DTNA: variants seen among roughly 807,000 people sequenced by gnomAD.
DTNA encodes the protein dystrobrevin alpha, also known as dystrophin-related protein 3.
Under a neutral mutation model 100.7 loss-of-function variants are expected in DTNA, and 43 were observed. The observed-to-expected ratio is 0.43, with a 90% CI of 0.33 to 0.55. DTNA has a LOEUF of 0.55. Ranked by LOEUF, DTNA falls within the 20% of genes least tolerant of loss-of-function variation. The pLI is 0.04. For missense variants in DTNA, 798 were observed against 953.9 expected (o/e 0.84, Z 2.15); for synonymous variants, 349 against 347.9 (o/e 1.00, Z -0.04).
intron 3 of DTNA, 117 bp from the exon 4 acceptor site, chr18:34,793,920 T>C: frequency 9.5e-7 from 1 of 1,049,172 alleles, no homozygotes. Flanking sequence ...GTTGACCCCC[T>C]GCAACAGCTG....
At chr18:34,834,188 G>A (rs2096079559) in intron 11 of DTNA, among the ~76,000 whole-genome samples, 1 of 152,000 alleles carries the variant, frequency 6.6e-6, no homozygotes, top group African/African-American at 2.4e-5. Flanking sequence ...CCAGAGGCTG[G>A]GTAACTGATA....
chr18:34,578,560 G>A (rs1453325548), intron 1 of DTNA, among the ~76,000 whole-genome samples: 1 of 151,108 alleles, frequency 6.6e-6, no homozygotes, highest in Non-Finnish European at 1.5e-5. Flanking sequence ...ATGTCTGGAA[G>A]GGTTTTTTTG....
intron 9 of DTNA, among the ~76,000 whole-genome samples, chr18:34,824,939 A>G (rs1250725470): frequency 6.8e-6 from 1 of 147,132 alleles, no homozygotes; most frequent in Non-Finnish European, 1.5e-5. Flanking sequence ...CAGTAAAAAA[A>G]AAAAAAAAAA....
intron 13 of DTNA, among the ~76,000 whole-genome samples, chr18:34,839,918 C>T (rs1008475271): frequency 1.8e-4 from 27 of 152,204 alleles, no homozygotes; most frequent in African/African-American, 6.3e-4. Context: ...TCCTCAGATG[C>T]TAGGCCATTG....
At chr18:34,765,604 T>C (rs749566210) in intron 2 of DTNA, among the ~76,000 whole-genome samples, 10 of 152,238 alleles carry the variant, frequency 6.6e-5, no homozygotes, top group Non-Finnish European at 1.3e-4. Context: ...GCACTTTAAA[T>C]GCTTATTTGA....
At chr18:34,749,386 T>G (rs1228698541) in intron 1 of DTNA, among the ~76,000 whole-genome samples, 1 of 152,070 alleles carries the variant, frequency 6.6e-6, no homozygotes, top group Non-Finnish European at 1.5e-5. Flanking sequence ...GGGCATCCTT[T>G]GTTTAGTTTC....
At chr18:34,571,571 C>T (rs1470117970) in intron 1 of DTNA, among the ~76,000 whole-genome samples, 1 of 152,014 alleles carries the variant, frequency 6.6e-6, no homozygotes, top group African/African-American at 2.4e-5. Context: ...AGAGAGACTC[C>T]ATCTTGACAA....
chr18:34,579,365 T>G (rs2048405504), intron 1 of DTNA, among the ~76,000 whole-genome samples: 1 of 152,200 alleles, frequency 6.6e-6, no homozygotes, highest in Non-Finnish European at 1.5e-5. Flanking sequence ...CTTTTATACT[T>G]ATCCAGATAT....
chr18:34,749,365 G>T (rs2092049720), intron 1 of DTNA, among the ~76,000 whole-genome samples: 1 of 152,120 alleles, frequency 6.6e-6, no homozygotes, highest in Non-Finnish European at 1.5e-5. Context: ...TTGAATAGAA[G>T]TGGTGAAAGT....
intron 21 of DTNA, among the ~76,000 whole-genome samples, chr18:34,883,781 C>T (rs556117619): frequency 3.3e-5 from 5 of 152,126 alleles, no homozygotes; most frequent in Non-Finnish European, 7.4e-5. Flanking sequence ...CAATTCCATC[C>T]CAGCAATATA....
intron 1 of DTNA, among the ~76,000 whole-genome samples, chr18:34,637,438 A>G (rs1024207591): frequency 1.7e-4 from 26 of 152,234 alleles, no homozygotes; most frequent in African/African-American, 4.8e-4. Flanking sequence ...TGGATGGGAA[A>G]GTACCCAAAA....
intron 1 of DTNA, among the ~76,000 whole-genome samples, chr18:34,515,496 A>G (rs1397604766): frequency 1.3e-5 from 2 of 152,090 alleles, no homozygotes; most frequent in Non-Finnish European, 2.9e-5. Flanking sequence ...ACATCTTACT[A>G]TTCCATAGTC....
At chr18:34,553,449 T>TA (rs2045674896) in intron 1 of DTNA, among the ~76,000 whole-genome samples, 1 of 151,440 alleles carries the variant, frequency 6.6e-6, no homozygotes, top group Admixed American at 6.6e-5. Context: ...CATGAAGTCC[T>TA]TGCCCATGCC....
At chr18:34,842,761 G>A (rs561305518) in intron 13 of DTNA, among the ~76,000 whole-genome samples, 7 of 152,150 alleles carry the variant, frequency 4.6e-5, no homozygotes, top group Non-Finnish European at 7.4e-5. Context: ...TCCCCCAGTA[G>A]GTCCTCTATA....
In DTNA at chr18:34,646,724, T is replaced by A. The variant is rs180887013; in HGVS notation, c.-1-109252T>A. Among the ~76,000 whole-genome samples the A allele has an allele frequency of 3.1e-3, 474 of 152,256 alleles. 2 individuals carry two copies. Among genetic ancestry groups the A allele is most frequent in the African/African-American group, 0.011 (439 of 41,548 alleles). ...TATTACTTTATTTATTTATTTATTT[T>A]TTGAGATGGAGTCTTGCCCTGTCAC... On this transcript the variant is annotated intron_variant, in intron 1 of 19. Transcript: ENST00000283365.
intron 1 of DTNA, among the ~76,000 whole-genome samples, chr18:34,526,207 C>T (rs1441766708): frequency 6.6e-6 from 1 of 152,108 alleles, no homozygotes; most frequent in African/African-American, 2.4e-5. Flanking sequence ...TTGTTTCACT[C>T]AAATGAAGTG....
In DTNA at chr18:34,858,225, G is replaced by A. The variant is rs3744924; in HGVS notation, c.1533-60G>A. The A allele has an allele frequency of 1.7e-4, 257 of 1,509,612 alleles. 1 individual carries two copies. In the East Asian group the frequency reaches 5.7e-3, roughly 33 times the overall value. 93.5% of individuals were successfully genotyped at this position (1,509,612 alleles called of 1,614,324 possible). Reference sequence around the variant, plus strand: ...TGTTCTGGTGGCCTTGATCTGCTCCGATGTTAGTTTCCTGAAAGCTAACTA... The same window carrying A: ...TGTTCTGGTGGCCTTGATCTGCTCCAATGTTAGTTTCCTGAAAGCTAACTA... On this transcript the variant is annotated intron_variant, in intron 15 of 22. Transcript: ENST00000444659.
chr18:34,525,671 C>T (rs1422909021), intron 1 of DTNA, among the ~76,000 whole-genome samples: 3 of 152,136 alleles, frequency 2.0e-5, no homozygotes, highest in African/African-American at 7.2e-5. Context: ...AACTACTCCT[C>T]TGACGCTGAG....
At chr18:34,825,001 A>T (rs1452880516) in intron 9 of DTNA, among the ~76,000 whole-genome samples, 1 of 151,986 alleles carries the variant, frequency 6.6e-6, no homozygotes, top group Non-Finnish European at 1.5e-5. Context: ...ATACACACAC[A>T]TATACACACA....
Sources: allele counts gnomAD v4.1 joint callset (sites outside exome capture counted in the v4.1 genomes callset), GRCh38; gene constraint gnomAD v4.1.1; transcripts MANE v1.5; gene names NCBI Gene and HGNC (gene_info 2026-07-23, HGNC 2026-07-21).